Variants in PXDNL observed in about 807,000 individuals in gnomAD.
PXDNL encodes probable oxidoreductase PXDNL.
In PXDNL, 145 loss-of-function variants were observed where a neutral mutation model predicts 150.8. The ratio of observed to expected loss-of-function variants is 0.96; its 90% CI spans 0.84 to 1.10. The LOEUF is 1.10. PXDNL is among the 50% of genes least tolerant of loss of function. The probability of loss-of-function intolerance (pLI) is 0.00; values close to 1 mark genes in which losing one functional copy is unlikely to be tolerated. For synonymous variants in PXDNL, 757 were observed against 725.7 expected (o/e 1.04, Z -0.69); for missense variants, 2,087 against 1,873.9 (o/e 1.11, Z -2.10).
chr8:51,487,051 C>T (rs931169585), intron 5 of PXDNL, among the ~76,000 whole-genome samples: 1 of 151,580 alleles, frequency 6.6e-6, no homozygotes, highest in Non-Finnish European at 1.5e-5. Context: ...CCCCGGCTTC[C>T]CAAAGTGCTG....
At chr8:51,799,544 C>T (rs1377442880) in intron 1 of PXDNL, among the ~76,000 whole-genome samples, 1 of 152,106 alleles carries the variant, frequency 6.6e-6, no homozygotes, top group Non-Finnish European at 1.5e-5. Context: ...TCTAGGATTC[C>T]CATGCAAACA....
chr8:51,577,914 AAAAGAAAGAAAAGAAAGAAAGAAAG>A lies in PXDNL; in HGVS notation c.308+14688_308+14712del, dbSNP rs1323257871. Among the ~76,000 whole-genome samples the A allele has an allele frequency of 4.6e-4, 54 of 117,694 alleles. 1 individual carries two copies. Among genetic ancestry groups the A allele is most frequent in the East Asian group, 1.3e-3 (5 of 3,866 alleles). 77.2% of individuals were successfully genotyped at this position (117,694 alleles called of 152,430 possible). ...ATACAAATAAGAAAGAAAGAGAAAG[AAAAGAAAGAAAAGAAAGAAAGAAAG>A]AAAGAAAGAAAGAAAGAAAGAAAGA... On this transcript the variant is annotated intron_variant, in intron 3 of 22. Coordinates refer to ENST00000356297, the MANE Select transcript of PXDNL (RefSeq NM_144651.5).
intron 17 of PXDNL, among the ~76,000 whole-genome samples, chr8:51,377,568 G>A (rs957939345): frequency 2.6e-5 from 4 of 152,234 alleles, no homozygotes; most frequent in South Asian, 4.1e-4. Context: ...GCGGGCCAGC[G>A]CGAGTTCCGG....
chr8:51,750,683 C>T (rs1346488312), intron 1 of PXDNL, among the ~76,000 whole-genome samples: 1 of 152,188 alleles, frequency 6.6e-6, no homozygotes, highest in African/African-American at 2.4e-5. Flanking sequence ...ATGATGGTCT[C>T]TTATTTACTA....
chr8:51,422,181 A>C (rs1054076134), intron 14 of PXDNL, among the ~76,000 whole-genome samples: 1 of 152,054 alleles, frequency 6.6e-6, no homozygotes, highest in Non-Finnish European at 1.5e-5. Context: ...CAGAAAAACA[A>C]GGTCAGGGCT....
chr8:51,371,478 G>T (rs1418340622), intron 19 of PXDNL, among the ~76,000 whole-genome samples: 1 of 152,176 alleles, frequency 6.6e-6, no homozygotes, highest in Non-Finnish European at 1.5e-5. Flanking sequence ...AACATCTTAT[G>T]AAGAATGGAT....
At chr8:51,374,865 A>C in intron 17 of PXDNL, 134 bp from the exon 18 acceptor site, 4 of 1,084,140 alleles carry the variant, frequency 3.7e-6, no homozygotes, top group South Asian at 1.7e-5. Context: ...CTGTATTCTC[A>C]TTTCATGGGG....
chr8:51,452,550 G>A lies in PXDNL; in HGVS notation c.1249+969C>T, dbSNP rs1809829214. On this transcript the variant is annotated intron_variant, in intron 10 of 22. Coordinates refer to ENST00000356297, the MANE Select transcript of PXDNL (RefSeq NM_144651.5). ...AAGACTAGGCTGGAGGAAGCCTTGT[G>A]CTTTGTGGGGGCCAAGATCACTCTT... is the stretch of plus-strand genomic sequence containing the variant. 2.0e-5 allele frequency among the ~76,000 whole-genome samples: 3 copies of A among 152,172 alleles called. No individual in the cohort carries two copies. The South Asian group carries it at 6.2e-4, about 32-fold the overall frequency.
chr8:51,466,692 C>A (rs1810211699), intron 8 of PXDNL, among the ~76,000 whole-genome samples: 1 of 151,902 alleles, frequency 6.6e-6, no homozygotes, highest in Non-Finnish European at 1.5e-5. Flanking sequence ...TTAAACAAAT[C>A]AACAAACAAA....
chr8:51,504,791 A>T (rs184867635), intron 4 of PXDNL, among the ~76,000 whole-genome samples: 1 of 152,368 alleles, frequency 6.6e-6, no homozygotes, highest in East Asian at 1.9e-4. Flanking sequence ...GTATTTTTGC[A>T]TGAGCATTGT....
intron 1 of PXDNL, among the ~76,000 whole-genome samples, chr8:51,686,818 T>C (rs1254325215): frequency 6.6e-6 from 1 of 152,062 alleles, no homozygotes; most frequent in Non-Finnish European, 1.5e-5. Flanking sequence ...TTTAAAAATG[T>C]AATACCTCAC....
At chr8:51,621,435 A>AGTGT (rs1028083317) in intron 2 of PXDNL, among the ~76,000 whole-genome samples, 1 of 136,814 alleles carries the variant, frequency 7.3e-6, no homozygotes, top group African/African-American at 3.0e-5. Flanking sequence ...CAAAAGAATG[A>AGTGT]GTGTGTGTGT....
chr8:51,733,416 T>C (rs1816970270), intron 1 of PXDNL, among the ~76,000 whole-genome samples: 1 of 152,170 alleles, frequency 6.6e-6, no homozygotes, highest in Admixed American at 6.5e-5. Flanking sequence ...TAGTTTCTTA[T>C]AAAACTAAGC....
intron 1 of PXDNL, among the ~76,000 whole-genome samples, chr8:51,741,194 C>G (rs1178306197): frequency 6.6e-6 from 1 of 152,130 alleles, no homozygotes; most frequent in African/African-American, 2.4e-5. Flanking sequence ...GGACTTCTTT[C>G]TGGTTTAGTC....
intron 1 of PXDNL, among the ~76,000 whole-genome samples, chr8:51,741,729 A>C (rs1019105561): frequency 6.6e-6 from 1 of 152,218 alleles, no homozygotes; most frequent in African/African-American, 2.4e-5. Flanking sequence ...AATTAAAATA[A>C]AAGATTGTAG....
At chr8:51,469,163 C>G (rs907992690) in intron 8 of PXDNL, among the ~76,000 whole-genome samples, 2 of 151,980 alleles carry the variant, frequency 1.3e-5, no homozygotes, top group African/African-American at 2.4e-5. Flanking sequence ...CCTTAACACT[C>G]TAAATATATT....
chr8:51,713,736 C>T (rs1050246920), intron 1 of PXDNL, among the ~76,000 whole-genome samples: 1 of 152,158 alleles, frequency 6.6e-6, no homozygotes, highest in Non-Finnish European at 1.5e-5. Flanking sequence ...TTTGAGGAAT[C>T]GTTTGTAGTA....
At chr8:51,613,975 G>A (rs1299739844) in intron 2 of PXDNL, among the ~76,000 whole-genome samples, 1 of 152,198 alleles carries the variant, frequency 6.6e-6, no homozygotes, top group East Asian at 1.9e-4. Flanking sequence ...AAGAAAGTGT[G>A]CTGAAGCAGC....
chr8:51,404,382 G>C (rs1192004664), intron 17 of PXDNL, among the ~76,000 whole-genome samples: 2 of 149,776 alleles, frequency 1.3e-5, no homozygotes, highest in Non-Finnish European at 2.9e-5. Flanking sequence ...TACAATCCCT[G>C]AGCTAGACAC....
Sources: allele counts gnomAD v4.1 joint callset (sites outside exome capture counted in the v4.1 genomes callset), GRCh38; gene constraint gnomAD v4.1.1; transcripts MANE v1.5; gene names NCBI Gene and HGNC (gene_info 2026-07-23, HGNC 2026-07-21).